CLCN2: variants seen among roughly 807,000 people sequenced by gnomAD.
CLCN2 encodes the protein chloride voltage-gated channel 2.
Under a neutral mutation model 108.3 loss-of-function variants are expected in CLCN2, and 72 were observed. The ratio of observed to expected loss-of-function variants is 0.66; its 90% CI spans 0.55 to 0.81. The LOEUF is 0.81. CLCN2 is among the 30% of genes least tolerant of loss of function. The pLI is 0.00. For missense variants in CLCN2, 1,048 were observed against 1,205.2 expected (o/e 0.87, Z 1.93); for synonymous variants, 471 against 467.1 (o/e 1.01, Z -0.11).
intron 1 of CLCN2, among the ~76,000 whole-genome samples, chr3:184,359,740 G>A (rs1486310019): frequency 3.3e-5 from 5 of 152,218 alleles, no homozygotes; most frequent in African/African-American, 1.2e-4. Flanking sequence ...CTTAGGGTGG[G>A]TGGAGAGGGC....
At position 184,347,128 on chromosome 3, in the gene CLCN2, C is replaced by A. The variant is rs2293603; in HGVS notation, c.2416-107G>T. 0.14 allele frequency: 124,197 copies of A among 882,826 alleles called. 11,970 individuals are homozygous for A. Among genetic ancestry groups the A allele is most frequent in the East Asian group, 0.35 (14,466 of 41,480 alleles). The allele number at this position is 882,826 out of a possible 1,614,324, so 54.7% of individuals were successfully genotyped here. A position where few individuals can be genotyped will look rare whatever the true frequency, so the allele number is the denominator to read the frequency against. ...GTTGGTGTGGAATAGGAGGGGTGCC[C>A]CAGATTGGGAGGGAAGGAGACAGGA... On this transcript the variant is annotated intron_variant, in intron 22 of 23. Coordinates refer to ENST00000265593, the MANE Select transcript of CLCN2 (RefSeq NM_004366.6).
At chr3:184,359,913 G>A (rs1242362751) in intron 1 of CLCN2, among the ~76,000 whole-genome samples, 1 of 151,582 alleles carries the variant, frequency 6.6e-6, no homozygotes, top group Non-Finnish European at 1.5e-5. Context: ...GTGTGTTGGG[G>A]GGCGGGGAGG....
rs555093162 is a variant in CLCN2 at position 184,355,251 on chromosome 3, G to A, written c.1326+123C>T. On this transcript the variant is annotated intron_variant, in intron 12 of 23. Transcript: ENST00000265593. This position sits in a 1 kb window ranked among gnomAD's most constrained non-coding sequence, Gnocchi z 6.3. The stretch of plus-strand genomic sequence containing the variant: ...GTTTCGACTCCCCCATCTTTCAAAC[G>A]GGGGTGATAATAGTGCCTTTCCCAT... The A allele has an allele frequency of 1.3e-5, 15 of 1,112,772 alleles. No individual in the cohort carries two copies. The highest frequency in any genetic ancestry group is 5.1e-5 in the South Asian group (4 of 79,016). 68.9% of individuals were successfully genotyped at this position (1,112,772 alleles called of 1,614,324 possible). A position where few individuals can be genotyped will look rare whatever the true frequency, so the allele number is the denominator to read the frequency against.
Position 184,361,022 on chromosome 3 carries a change from G to T in CLCN2, c.63+395C>A, listed in dbSNP as rs1398528115. 6.6e-6 allele frequency among the ~76,000 whole-genome samples: 1 copy of T among 152,236 alleles called. No homozygotes were observed. The highest frequency in any genetic ancestry group is 1.5e-5 in the Non-Finnish European group (1 of 68,038). On this transcript the variant is annotated intron_variant, in intron 1 of 23. Coordinates refer to ENST00000265593, the MANE Select transcript of CLCN2 (RefSeq NM_004366.6). The surrounding 1 kb of genome is among the most constrained non-coding windows in gnomAD (Gnocchi z 6.6). ...TAGCATGGTGCCATGCACATGGCAG[G>T]GACACAGAGAATGTCTTGGGTGGTG...
Position 184,355,290 on chromosome 3 carries a change from G to T in CLCN2, c.1326+84C>A. On this transcript the variant is annotated intron_variant, in intron 12 of 23. Coordinates refer to ENST00000265593, the MANE Select transcript of CLCN2 (RefSeq NM_004366.6). The surrounding 1 kb of genome is among the most constrained non-coding windows in gnomAD (Gnocchi z 6.3). ...TGCCTTTCCCATGGCACTGTGGAGA[G>T]GCTTCGAGGAGTGAGCACTGCGTGG... 6.9e-7 allele frequency: 1 copy of T among 1,452,234 alleles called. No individual in the cohort carries two copies. The highest frequency in any genetic ancestry group is 9.7e-7 in the Non-Finnish European group (1 of 1,034,566). 90.0% of individuals were successfully genotyped at this position (1,452,234 alleles called of 1,614,324 possible).
At position 184,357,839 on chromosome 3, in the gene CLCN2, G is replaced by A. The variant is rs370199115; in HGVS notation, c.633C>T (p.Ile211=). Residue 211 remains isoleucine, a synonymous_variant, in exon 6 of 24, where the codon ATC becomes ATT. Coordinates refer to ENST00000265593, the MANE Select transcript of CLCN2 (RefSeq NM_004366.6). ...PLGKEGPFVH[I]ASMCAALLSK... ...TGAGAAGGGCAGCACACATGCTTGC[G>A]ATATGCACAAAAGGGCCCTGCGGGG... 110 of 1,613,856 alleles carry A rather than the reference G, an allele frequency of 6.8e-5. No homozygotes were observed. The highest frequency in any genetic ancestry group is 1.1e-4 in the East Asian group (5 of 44,886).
Position 184,355,447 on chromosome 3 carries a change from G to A in CLCN2, c.1253C>T (p.Pro418Leu), listed in dbSNP as rs139603109. ...RQGLVEELEP[P>L]STSQAWNPPR... ...TGGGTTCCAGGCCTGTGAGGTGCTGGGTGGTTCTAGCTCCTCCACCAGGCC... is the reference window on the plus strand; with the variant it reads ...TGGGTTCCAGGCCTGTGAGGTGCTGAGTGGTTCTAGCTCCTCCACCAGGCC... The change falls in exon 12 of 24, where the codon CCC becomes CTC. Residue 418 changes from proline (P) to leucine (L), a missense_variant. Pro to Leu is a moderately conservative substitution (Grantham distance 98). Transcript: ENST00000265593. The surrounding 1 kb of genome is among the most constrained non-coding windows in gnomAD (Gnocchi z 6.3). 1 of 1,613,962 alleles carries A rather than the reference G, an allele frequency of 6.2e-7. No homozygotes were observed. Among genetic ancestry groups the A allele is most frequent in the Non-Finnish European group, 8.5e-7 (1 of 1,180,026 alleles).
At chr3:184,352,685 G>A (rs1011772250) in intron 19 of CLCN2, 52 bp downstream of exon 19, 3 of 1,585,682 alleles carry the variant, frequency 1.9e-6, no homozygotes, top group East Asian at 2.2e-5. Flanking sequence ...CTCAGCATTG[G>A]AGAGGGAGCT....
intron 14 of CLCN2, 76 bp from the exon 15 acceptor site, chr3:184,354,390 G>A: frequency 6.7e-7 from 1 of 1,484,870 alleles, no homozygotes; most frequent in Non-Finnish European, 9.3e-7. Flanking sequence ...CAGGTCCTGA[G>A]TGGGTCCCTC....
chr3:184,359,927 A>G (rs1458843800), intron 1 of CLCN2, among the ~76,000 whole-genome samples: 1 of 127,422 alleles, frequency 7.8e-6, no homozygotes, highest in East Asian at 2.8e-4. Context: ...GGGGAGGAGT[A>G]GATTCTGGCT....
At position 184,357,890 on chromosome 3, in the gene CLCN2, G is replaced by A. The variant is rs372675174; in HGVS notation, c.616-34C>T. 5 of 1,613,394 alleles carry A rather than the reference G, an allele frequency of 3.1e-6. No homozygotes were observed. In the African/African-American group the frequency reaches 6.7e-5, roughly 22 times the overall value. On this transcript the variant is annotated intron_variant, in intron 5 of 23. Transcript: ENST00000265593. Reference sequence around the variant, plus strand: ...TGGGGCAGGCGGTGAGTCGGGAGGGGGCCCGCCCTGACCTTGGCCTGGCCT... The same window carrying A: ...TGGGGCAGGCGGTGAGTCGGGAGGGAGCCCGCCCTGACCTTGGCCTGGCCT...
rs1423644386 is a variant in CLCN2 at position 184,361,166 on chromosome 3, G to C, written c.63+251C>G. ...GTGCAAAGAAAACGTGCATGTTGTG[G>C]GGTGAGGGGAAGGACACCTGAGACA... On this transcript the variant is annotated intron_variant, in intron 1 of 23. Transcript: ENST00000265593. The surrounding 1 kb of genome is among the most constrained non-coding windows in gnomAD (Gnocchi z 6.6). Among the ~76,000 whole-genome samples the C allele has an allele frequency of 7.9e-5, 12 of 152,160 alleles. No individual in the cohort carries two copies. Among genetic ancestry groups the C allele is most frequent in the Admixed American group, 7.9e-4 (12 of 15,280 alleles).
chr3:184,361,603 T>G lies in CLCN2; in HGVS notation c.-124A>C. 1 of 895,510 alleles carries G rather than the reference T, an allele frequency of 1.1e-6. No individual in the cohort carries two copies. Among genetic ancestry groups the G allele is most frequent in the Non-Finnish European group, 1.5e-6 (1 of 665,376 alleles). 55.5% of individuals were successfully genotyped at this position (895,510 alleles called of 1,614,324 possible). The stretch of plus-strand genomic sequence containing the variant: ...GCAGCCCGGGAGGCCGAGAGCAGAG[T>G]GCGGCGGGCCCCCGGCGGGCGCCGC... On this transcript the variant is annotated 5_prime_UTR_variant, in exon 1 of 24. Coordinates refer to ENST00000265593, the MANE Select transcript of CLCN2 (RefSeq NM_004366.6). This position sits in a 1 kb window ranked among gnomAD's most constrained non-coding sequence, Gnocchi z 6.6.
Position 184,357,492 on chromosome 3 carries a change from G to A in CLCN2, c.773-5C>T. On this transcript the variant is annotated splice_region_variant and splice_polypyrimidine_tract_variant and intron_variant, in intron 7 of 23. Transcript: ENST00000265593. ...CCTCGATGCTGAAGAGGACGCCTGT[G>A]AGGGGGAGGGAGACCAGCACTTGAG... 6.2e-7 allele frequency: 1 copy of A among 1,614,192 alleles called. No individual in the cohort carries two copies. Among genetic ancestry groups the A allele is most frequent in the Non-Finnish European group, 8.5e-7 (1 of 1,180,040 alleles).
chr3:184,354,348 C>T, intron 14 of CLCN2, 34 bp from the exon 15 acceptor site: 1 of 1,601,034 alleles, frequency 6.2e-7, no homozygotes. Context: ...CCTCAGGGTG[C>T]CCAGGTCCCA....
At chr3:184,359,577 G>A (rs190373916) in intron 1 of CLCN2, among the ~76,000 whole-genome samples, 86 of 152,368 alleles carry the variant, frequency 5.6e-4, no homozygotes, top group African/African-American at 2.0e-3. Flanking sequence ...CCCAGGAGCA[G>A]GCGCAGCCCC....
In CLCN2 at chr3:184,361,335, C is replaced by T. The variant is rs1392963001; in HGVS notation, c.63+82G>A. 4 of 1,388,816 alleles carry T rather than the reference C, an allele frequency of 2.9e-6. No homozygotes were observed. Among genetic ancestry groups the T allele is most frequent in the Non-Finnish European group, 4.1e-6 (4 of 976,340 alleles). The allele number at this position is 1,388,816 out of a possible 1,614,324, so 86.0% of individuals were successfully genotyped here. A position where few individuals can be genotyped will look rare whatever the true frequency, so the allele number is the denominator to read the frequency against. On this transcript the variant is annotated intron_variant, in intron 1 of 23. Coordinates refer to ENST00000265593, the MANE Select transcript of CLCN2 (RefSeq NM_004366.6). This position sits in a 1 kb window ranked among gnomAD's most constrained non-coding sequence, Gnocchi z 6.6. ...AATGCTAGGACAGGATTAGGGTAGG[C>T]CCCTGGTCCTCGCGCTTCCCAGGGT... is the stretch of plus-strand genomic sequence containing the variant.
chr3:184,357,506 C>T lies in CLCN2; in HGVS notation c.773-19G>A, dbSNP rs780653778. On this transcript the variant is annotated intron_variant, in intron 7 of 23. Coordinates refer to ENST00000265593, the MANE Select transcript of CLCN2 (RefSeq NM_004366.6). ...AGGACGCCTGTGAGGGGGAGGGAGA[C>T]CAGCACTTGAGGCCTGGGCCTGGCC... 6.2e-7 allele frequency: 1 copy of T among 1,614,142 alleles called. No individual in the cohort carries two copies. Among genetic ancestry groups the T allele is most frequent in the South Asian group, 1.1e-5 (1 of 91,086 alleles).
At position 184,361,164 on chromosome 3, in the gene CLCN2, T is replaced by C. The variant is rs1712040315; in HGVS notation, c.63+253A>G. ...AGGTGCAAAGAAAACGTGCATGTTG[T>C]GGGGTGAGGGGAAGGACACCTGAGA... On this transcript the variant is annotated intron_variant, in intron 1 of 23. Coordinates refer to ENST00000265593, the MANE Select transcript of CLCN2 (RefSeq NM_004366.6). This position sits in a 1 kb window ranked among gnomAD's most constrained non-coding sequence, Gnocchi z 6.6. Among the ~76,000 whole-genome samples, 1 of 152,126 alleles carries C rather than the reference T, an allele frequency of 6.6e-6. No homozygotes were observed. Among genetic ancestry groups the C allele is most frequent in the African/African-American group, 2.4e-5 (1 of 41,428 alleles).
Sources: allele counts gnomAD v4.1 joint callset (sites outside exome capture counted in the v4.1 genomes callset), GRCh38; gene constraint gnomAD v4.1.1; non-coding constraint Gnocchi (gnomAD v3.1); transcripts MANE v1.5; gene names NCBI Gene and HGNC (gene_info 2026-07-23, HGNC 2026-07-21).